Variants in TICAM2 observed in about 807,000 individuals in gnomAD.
TICAM2 encodes the protein TIR domain containing adaptor molecule 2, also known as TIR domain-containing adapter molecule 2.
Under a neutral mutation model 7.3 loss-of-function variants are expected in TICAM2, and 8 were observed. That is an observed-to-expected ratio of 1.10 (90% confidence interval 0.65 to 1.99). The LOEUF is 1.99. TICAM2 is among the 30% of genes most tolerant of loss of function. The pLI is 0.00. For missense variants in TICAM2, 304 were observed against 278.8 expected, an observed-to-expected ratio of 1.09 and a Z score of -0.65; for synonymous variants, 113 against 99.6, an observed-to-expected ratio of 1.13 and a Z score of -0.80.
chr5:115,580,715 G>T lies in TICAM2; in HGVS notation c.542C>A (p.Pro181His), dbSNP rs945534325. 1.3e-6 allele frequency: 2 copies of T among 1,598,868 alleles called. No individual in the cohort carries two copies. Among genetic ancestry groups the T allele is most frequent in the South Asian group, 2.3e-5 (2 of 88,698 alleles). ...GAGGGCAAAGGGAGTCCTTTCTCGG[G>T]GAAGGGGATTGTTCAGGGGCCGCAT... ...IPMRPLNNPL[P>H]RERTPFALQT... The change falls in exon 2 of 2, where the codon CCC becomes CAC. Residue 181 changes from proline to histidine, a missense_variant. Pro to His is a moderately conservative substitution (Grantham distance 77). Coordinates refer to ENST00000427199, the MANE Select transcript of TICAM2 (RefSeq NM_021649.7).
intron 1 of TICAM2, among the ~76,000 whole-genome samples, chr5:115,600,839 TA>T (rs1755700984): frequency 6.6e-6 from 1 of 151,996 alleles, no homozygotes; most frequent in South Asian, 2.1e-4. Flanking sequence ...AGAAGCAAAG[TA>T]GGGGAGCGGG....
rs752117006 is a variant in TICAM2, at chr5:115,580,920, C to A, written c.337G>T (p.Ala113Ser). 5 of 1,613,878 alleles carry A rather than the reference C, an allele frequency of 3.1e-6. No homozygotes were observed. The highest frequency in any genetic ancestry group is 4.2e-6 in the Non-Finnish European group (5 of 1,179,788). ...DFGIKPGIIFAEMPCGRQHLQ... is the reference protein window; with the variant it reads ...DFGIKPGIIFSEMPCGRQHLQ... ...TGCTGTCTGCCACATGGCATCTCAG[C>A]AAAGATTATTCCGGGTTTGATACCA... Residue 113 changes from alanine (A) to serine (S), a missense_variant, in exon 2 of 2, where the codon GCT becomes TCT. By Grantham distance (99) the Ala-to-Ser change is moderately conservative. Transcript: ENST00000427199.
chr5:115,600,234 G>C (rs940619844), intron 1 of TICAM2, among the ~76,000 whole-genome samples: 8 of 152,278 alleles, frequency 5.3e-5, no homozygotes, highest in Non-Finnish European at 1.2e-4. Context: ...TGGTGAATCT[G>C]GCATCAGTAG....
intron 1 of TICAM2, among the ~76,000 whole-genome samples, chr5:115,590,428 T>C (rs1448921903): frequency 6.6e-6 from 1 of 152,230 alleles, no homozygotes; most frequent in Non-Finnish European, 1.5e-5. Flanking sequence ...AAATGAAATA[T>C]GAAACCTTTC....
chr5:115,589,421 T>C (rs1254025019), intron 1 of TICAM2, among the ~76,000 whole-genome samples: 7 of 152,258 alleles, frequency 4.6e-5, no homozygotes, highest in Non-Finnish European at 1.5e-5. Context: ...AGGAACAGAA[T>C]GAGTTGAATT....
Position 115,580,594 on chromosome 5 carries a change from T to C in TICAM2, c.663A>G (p.Ile221Met). 6.2e-7 allele frequency: 1 copy of C among 1,600,412 alleles called. No homozygotes were observed. Among genetic ancestry groups the C allele is most frequent in the Non-Finnish European group, 8.5e-7 (1 of 1,176,052 alleles). Residue 221 changes from isoleucine (I) to methionine (M), a missense_variant, in exon 2 of 2, where the codon ATA (isoleucine) becomes ATG (methionine). By Grantham distance (10) the Ile-to-Met change is conservative (BLOSUM62 1). Coordinates refer to ENST00000427199, the MANE Select transcript of TICAM2 (RefSeq NM_021649.7). ...QESVYKTQQT[I>M]WKETRNMVQR... ...GTACCATATTTCTTGTCTCTTTCCA[T>C]ATAGTTTGTTGTGTCTTATACACAG...
At chr5:115,590,026 T>C (rs1405745976) in intron 1 of TICAM2, among the ~76,000 whole-genome samples, 1 of 152,162 alleles carries the variant, frequency 6.6e-6, no homozygotes, top group Non-Finnish European at 1.5e-5. Context: ...TTAAAAATGA[T>C]CACTTATACT....
intron 1 of TICAM2, among the ~76,000 whole-genome samples, chr5:115,599,281 G>C (rs576315998): frequency 6.6e-6 from 1 of 151,910 alleles, no homozygotes; most frequent in African/African-American, 2.4e-5. Flanking sequence ...CCCTATTGGT[G>C]GGGGGAGGGG....
chr5:115,582,522 T>G (rs1282799569), intron 1 of TICAM2, among the ~76,000 whole-genome samples: 10 of 152,106 alleles, frequency 6.6e-5, no homozygotes, highest in Admixed American at 6.5e-4. Context: ...GTGGAAGAAC[T>G]AGATCAACTG....
At chr5:115,600,520 T>A (rs1465287956) in intron 1 of TICAM2, among the ~76,000 whole-genome samples, 1 of 148,056 alleles carries the variant, frequency 6.8e-6, no homozygotes, top group African/African-American at 2.7e-5. Flanking sequence ...GGAGACACAA[T>A]GAAGCAGAAT....
At chr5:115,598,648 C>T (rs2112523760) in intron 1 of TICAM2, among the ~76,000 whole-genome samples, 1 of 152,170 alleles carries the variant, frequency 6.6e-6, no homozygotes, top group South Asian at 2.1e-4. Flanking sequence ...CTGCTTAACC[C>T]CCCTACTCTT....
intron 1 of TICAM2, among the ~76,000 whole-genome samples, chr5:115,585,057 AG>A (rs1223609374): frequency 6.6e-6 from 1 of 152,206 alleles, no homozygotes; most frequent in African/African-American, 2.4e-5. Flanking sequence ...AGACTGCCTG[AG>A]TGTAAATCTC....
rs1334609343 is a variant in TICAM2 at position 115,579,927 on chromosome 5, G to A, written c.*622C>T. On this transcript the variant is annotated 3_prime_UTR_variant, in exon 2 of 2. Transcript: ENST00000427199. ...TAACTACCACACTATCAAATGGGCTGTGAATCGGTGGTGGGAAATGCCTCC... is the reference window on the plus strand; with the variant it reads ...TAACTACCACACTATCAAATGGGCTATGAATCGGTGGTGGGAAATGCCTCC... 1 of 152,392 alleles carries A rather than the reference G, an allele frequency of 6.6e-6. No homozygotes were observed. The highest frequency in any genetic ancestry group is 1.5e-5 in the Non-Finnish European group (1 of 68,064). 9.4% of individuals were successfully genotyped at this position (152,392 alleles called of 1,614,324 possible). A position where few individuals can be genotyped will look rare whatever the true frequency, so the allele number is the denominator to read the frequency against.
At chr5:115,586,114 C>A (rs1248906886) in intron 1 of TICAM2, among the ~76,000 whole-genome samples, 1 of 151,908 alleles carries the variant, frequency 6.6e-6, no homozygotes, top group East Asian at 1.9e-4. Flanking sequence ...TTGAGAAAGA[C>A]AATATGAGAT....
intron 1 of TICAM2, among the ~76,000 whole-genome samples, chr5:115,588,295 C>CACTCCTT (rs1195649821): frequency 4.6e-5 from 7 of 152,284 alleles, no homozygotes; most frequent in Non-Finnish European, 7.4e-5. Flanking sequence ...TCTCCACCAC[C>CACTCCTT]ACTCCTTTTC....
At chr5:115,601,765 G>C (rs539767070) in intron 1 of TICAM2, among the ~76,000 whole-genome samples, 102 of 152,300 alleles carry the variant, frequency 6.7e-4, no homozygotes, top group Non-Finnish European at 1.1e-3. Context: ...TGTGTGCCTG[G>C]CAGGGGCTCA....
intron 1 of TICAM2, among the ~76,000 whole-genome samples, chr5:115,600,234 G>A (rs940619844): frequency 6.6e-6 from 1 of 152,160 alleles, no homozygotes; most frequent in Non-Finnish European, 1.5e-5. Context: ...TGGTGAATCT[G>A]GCATCAGTAG....
At chr5:115,599,251 T>C (rs956179700) in intron 1 of TICAM2, among the ~76,000 whole-genome samples, 5 of 152,120 alleles carry the variant, frequency 3.3e-5, no homozygotes, top group African/African-American at 1.2e-4. Context: ...GTTAGATTAT[T>C]GCTTCCTATT....
Position 115,581,326 on chromosome 5 carries a change from T to G in TICAM2, c.-59-11A>C. On this transcript the variant is annotated splice_polypyrimidine_tract_variant and intron_variant, in intron 1 of 1. Coordinates refer to ENST00000427199, the MANE Select transcript of TICAM2 (RefSeq NM_021649.7). ...GCATTTCTTTTCAATCTAAAAGAAGTAACAAAACAGAAGAATATTATAAAT... is the reference window on the plus strand; with the variant it reads ...GCATTTCTTTTCAATCTAAAAGAAGGAACAAAACAGAAGAATATTATAAAT... 1 of 1,587,410 alleles carries G rather than the reference T, an allele frequency of 6.3e-7. No individual in the cohort carries two copies.
Sources: gnomAD v4.1 joint callset for allele counts (sites outside exome capture counted in the v4.1 genomes callset) on GRCh38, gnomAD v4.1.1 for gene constraint, MANE v1.5 for transcripts, NCBI Gene and HGNC (gene_info 2026-07-23, HGNC 2026-07-21) for gene names.